Variants in PDS5B observed in about 807,000 individuals in gnomAD.
PDS5B encodes sister chromatid cohesion protein PDS5 homolog B.
A neutral mutation model predicts 184.1 loss-of-function variants in PDS5B; 51 were observed. The ratio of observed to expected loss-of-function variants is 0.28; its 90% CI spans 0.22 to 0.35. The LOEUF (loss-of-function observed/expected upper bound fraction) is 0.35. Among genes scored for constraint, PDS5B ranks in the 10% least tolerant of loss-of-function variants. The pLI, the probability that PDS5B is intolerant of heterozygous loss-of-function variation, is 1.00. For missense variants in PDS5B, 1,180 were observed against 1,723.3 expected, an observed-to-expected ratio of 0.68 and a Z score of 5.58; for synonymous variants, 566 against 569.2, an observed-to-expected ratio of 0.99 and a Z score of 0.08.
At chr13:32,620,234 A>T (rs972249675) in intron 1 of PDS5B, among the ~76,000 whole-genome samples, 1 of 152,236 alleles carries the variant, frequency 6.6e-6, no homozygotes, top group Non-Finnish European at 1.5e-5. Flanking sequence ...TCACAATACT[A>T]ATGTTTTGAG....
At chr13:32,702,677 A>AT (rs899766748) in intron 17 of PDS5B, among the ~76,000 whole-genome samples, 3 of 152,180 alleles carry the variant, frequency 2.0e-5, no homozygotes, top group African/African-American at 7.2e-5. Context: ...AATTAAGCTA[A>AT]TTTGATAGTA....
rs373530953 is a variant in PDS5B, at chr13:32,607,078, G to A, written c.-20+20485G>A. On this transcript the variant is annotated intron_variant, in intron 1 of 34. Transcript: ENST00000315596. ...TCTCAACTTGTCACAGTCATTCTCCGTCCAGCTTTGTTCCATTGCTGGCGA... is the reference window on the plus strand; with the variant it reads ...TCTCAACTTGTCACAGTCATTCTCCATCCAGCTTTGTTCCATTGCTGGCGA... Among the ~76,000 whole-genome samples, 548 of 152,316 alleles carry A rather than the reference G, an allele frequency of 3.6e-3. 3 individuals are homozygous for A. Among genetic ancestry groups the A allele is most frequent in the African/African-American group, 0.011 (447 of 41,562 alleles).
At chr13:32,767,205 G>C (rs927437240) in intron 31 of PDS5B, among the ~76,000 whole-genome samples, 1 of 152,070 alleles carries the variant, frequency 6.6e-6, no homozygotes, top group South Asian at 2.1e-4. Flanking sequence ...CTTAAGATCC[G>C]TTCTTGACAA....
intron 7 of PDS5B, among the ~76,000 whole-genome samples, chr13:32,670,745 T>C (rs942675061): frequency 6.6e-6 from 1 of 152,222 alleles, no homozygotes; most frequent in African/African-American, 2.4e-5. Context: ...AAAATTATTT[T>C]GTTGGACTGA....
At chr13:32,691,784 T>A (rs753384988) in intron 13 of PDS5B, among the ~76,000 whole-genome samples, 1 of 152,146 alleles carries the variant, frequency 6.6e-6, no homozygotes, top group Non-Finnish European at 1.5e-5. Flanking sequence ...TCAAATTGTT[T>A]TCCAACATGA....
intron 25 of PDS5B, 146 bp from the exon 26 acceptor site, chr13:32,755,696 T>C (rs141072308): frequency 7.4e-5 from 37 of 497,846 alleles, no homozygotes; most frequent in Non-Finnish European, 1.2e-4. Flanking sequence ...TTCAAGTCAT[T>C]GTGGTGAACT....
intron 19 of PDS5B, among the ~76,000 whole-genome samples, chr13:32,717,842 C>A (rs748208999): frequency 6.6e-6 from 1 of 150,862 alleles, no homozygotes; most frequent in African/African-American, 2.4e-5. Flanking sequence ...CACTCATTTT[C>A]TTTACAGCCA....
chr13:32,764,125 A>C (rs1389108743), intron 30 of PDS5B, among the ~76,000 whole-genome samples: 6 of 152,006 alleles, frequency 3.9e-5, no homozygotes, highest in African/African-American at 1.2e-4. Context: ...GTTAAATGCT[A>C]CAGAGAGAAG....
At chr13:32,674,921 GT>G (rs113519972) in intron 8 of PDS5B, among the ~76,000 whole-genome samples, 1,731 of 137,264 alleles carry the variant, frequency 0.013, 29 homozygotes, top group African/African-American at 0.04. Context: ...GGGAATAGAG[GT>G]TTTTTTTTTT....
At chr13:32,608,502 C>T (rs75813231) in intron 1 of PDS5B, among the ~76,000 whole-genome samples, 2,100 of 152,178 alleles carry the variant, frequency 0.014, 39 homozygotes, top group South Asian at 0.082. Context: ...TTGTAGGAAG[C>T]GTTTGTATGC....
chr13:32,620,422 C>A (rs1014927015), intron 1 of PDS5B, among the ~76,000 whole-genome samples: 1 of 151,994 alleles, frequency 6.6e-6, no homozygotes, highest in Admixed American at 6.6e-5. Flanking sequence ...CTTTGGGAGG[C>A]CGAGGCGGGC....
chr13:32,589,800 A>G lies in PDS5B; in HGVS notation c.-20+3207A>G, dbSNP rs186127289. ...TTCTCTGAGAGTGTATTTACTTTTTAAGAAGCTGCCAAATGGTTCGCAATT... is the reference window on the plus strand; with the variant it reads ...TTCTCTGAGAGTGTATTTACTTTTTGAGAAGCTGCCAAATGGTTCGCAATT... On this transcript the variant is annotated intron_variant, in intron 1 of 34. Coordinates refer to ENST00000315596, the MANE Select transcript of PDS5B (RefSeq NM_015032.4). 3.6e-3 allele frequency among the ~76,000 whole-genome samples: 547 copies of G among 152,166 alleles called. 1 individual carries two copies. The highest frequency in any genetic ancestry group is 6.4e-3 in the Non-Finnish European group (437 of 67,996).
chr13:32,672,265 A>T (rs1176402205), intron 7 of PDS5B, among the ~76,000 whole-genome samples: 1 of 151,950 alleles, frequency 6.6e-6, no homozygotes, highest in Non-Finnish European at 1.5e-5. Context: ...CTATGGGATG[A>T]TGTTTTCTTC....
rs1209915634 is a variant in PDS5B, at chr13:32,716,812, C to T, written c.2123+6706C>T. On this transcript the variant is annotated intron_variant, in intron 19 of 34. Transcript: ENST00000315596. ...GGAGGTGGGGGGGTCAGCCCCCTGC[C>T]CGGCCAGCCGCCCTGTCTGGGAGGG... Among the ~76,000 whole-genome samples the T allele has an allele frequency of 7.4e-5, 7 of 94,802 alleles. 1 individual carries two copies. The highest frequency in any genetic ancestry group is 2.0e-4 in the Non-Finnish European group (7 of 35,470). 62.2% of individuals were successfully genotyped at this position (94,802 alleles called of 152,430 possible). A position where few individuals can be genotyped will look rare whatever the true frequency, so the allele number is the denominator to read the frequency against.
intron 17 of PDS5B, among the ~76,000 whole-genome samples, chr13:32,705,210 A>C (rs1046498908): frequency 6.6e-6 from 1 of 151,984 alleles, no homozygotes; most frequent in Non-Finnish European, 1.5e-5. Flanking sequence ...CTTCACTGAG[A>C]GCTTCATACT....
chr13:32,661,771 C>A (rs567526755), intron 6 of PDS5B, among the ~76,000 whole-genome samples: 3 of 152,166 alleles, frequency 2.0e-5, no homozygotes, highest in African/African-American at 7.2e-5. Flanking sequence ...ATATAAAGCA[C>A]CCAGAATGTA....
intron 24 of PDS5B, among the ~76,000 whole-genome samples, chr13:32,751,096 T>C (rs758710508): frequency 4.6e-5 from 7 of 152,192 alleles, no homozygotes; most frequent in Non-Finnish European, 8.8e-5. Flanking sequence ...GTGTACTCAA[T>C]GTTTAGCTCC....
At chr13:32,753,144 GC>G (rs1398600544) in intron 24 of PDS5B, among the ~76,000 whole-genome samples, 187 bp from the exon 25 acceptor site, 1 of 152,044 alleles carries the variant, frequency 6.6e-6, no homozygotes, top group Non-Finnish European at 1.5e-5. Flanking sequence ...ACTTATTAGG[GC>G]CCAGATGAAT....
At position 32,592,690 on chromosome 13, in the gene PDS5B, G is replaced by A. The variant is rs148882579; in HGVS notation, c.-20+6097G>A. On this transcript the variant is annotated intron_variant, in intron 1 of 34. Transcript: ENST00000315596. ...TATAGCTGTAGTTGGAATTCGGAAG[G>A]TCACTGGCATTTAAGACTTGAACAT... 3.1e-3 allele frequency among the ~76,000 whole-genome samples: 468 copies of A among 152,220 alleles called. 1 individual carries two copies. Among genetic ancestry groups the A allele is most frequent in the Non-Finnish European group, 4.7e-3 (322 of 68,032 alleles).
Sources: gnomAD v4.1 joint callset for allele counts (sites outside exome capture counted in the v4.1 genomes callset) on GRCh38, gnomAD v4.1.1 for gene constraint, MANE v1.5 for transcripts, NCBI Gene and HGNC (gene_info 2026-07-23, HGNC 2026-07-21) for gene names.